Variants in ADGRB1 observed in about 807,000 individuals in gnomAD.
ADGRB1 encodes the protein brain-specific angiogenesis inhibitor 1.
ADGRB1 carries 36 observed loss-of-function variants against 175.7 expected under a neutral mutation model. That is an observed-to-expected ratio of 0.20 (90% CI 0.16 to 0.27). ADGRB1 has a LOEUF of 0.27. Ranked by LOEUF, ADGRB1 falls within the 10% of genes least tolerant of loss-of-function variation. ADGRB1 has a pLI of 1.00. For missense variants in ADGRB1, 1,731 were observed against 2,255.3 expected (o/e 0.77, Z 4.71); for synonymous variants, 1,054 against 979.4 (o/e 1.08, Z -1.42).
At chr8:142,513,186 C>T (rs945101454) in intron 18 of ADGRB1, among the ~76,000 whole-genome samples, 7 of 152,184 alleles carry the variant, frequency 4.6e-5, no homozygotes, top group African/African-American at 1.4e-4. Flanking sequence ...TGCAGAGCCA[C>T]GGGACCGAGG....
At chr8:142,514,702 A>C (rs901330210) in intron 18 of ADGRB1, among the ~76,000 whole-genome samples, 1 of 152,132 alleles carries the variant, frequency 6.6e-6, no homozygotes, top group African/African-American at 2.4e-5. Flanking sequence ...CGTGACCAGA[A>C]TCAGGGCCCA....
intron 17 of ADGRB1, among the ~76,000 whole-genome samples, chr8:142,495,911 A>G (rs1485103489): frequency 2.6e-3 from 129 of 48,868 alleles, no homozygotes; most frequent in Non-Finnish European, 2.7e-4. Context: ...GGATGAGTGC[A>G]TGAGTGGGTG....
chr8:142,493,895 G>T lies in ADGRB1; in HGVS notation c.2675+3080G>T, dbSNP rs1218270344. On this transcript the variant is annotated intron_variant, in intron 17 of 30. Transcript: ENST00000517894. This position sits in a 1 kb window ranked among gnomAD's most constrained non-coding sequence, Gnocchi z 5.0. ...CTGCAGGGGCCACTCCTCGCCCTGT[G>T]AACTGTCTCCGGGGAGCTGAGTTTC... Among the ~76,000 whole-genome samples, 1 of 152,200 alleles carries T rather than the reference G, an allele frequency of 6.6e-6. No individual in the cohort carries two copies. Among genetic ancestry groups the T allele is most frequent in the Non-Finnish European group, 1.5e-5 (1 of 68,026 alleles).
intron 17 of ADGRB1, among the ~76,000 whole-genome samples, chr8:142,491,583 G>T (rs778069731): frequency 1.2e-4 from 18 of 152,220 alleles, no homozygotes; most frequent in Non-Finnish European, 2.2e-4. Flanking sequence ...ATGGCGGCCG[G>T]GTCCCAACAT....
chr8:142,500,430 A>G (rs1349333442), intron 17 of ADGRB1, among the ~76,000 whole-genome samples: 1 of 106,652 alleles, frequency 9.4e-6, no homozygotes, highest in African/African-American at 4.1e-5. Context: ...CCACCCCCCC[A>G]TGCCCTCCTC....
intron 16 of ADGRB1, among the ~76,000 whole-genome samples, chr8:142,490,540 G>A (rs979172918): frequency 6.6e-6 from 1 of 152,262 alleles, no homozygotes; most frequent in Non-Finnish European, 1.5e-5. Context: ...GGAGGGGCCA[G>A]GAGCTGCCCG....
At chr8:142,462,717 C>G (rs1416689728) in intron 1 of ADGRB1, among the ~76,000 whole-genome samples, 2 of 152,252 alleles carry the variant, frequency 1.3e-5, no homozygotes, top group Non-Finnish European at 2.9e-5. Context: ...GCATCCCCAC[C>G]AGGAGGCCGG....
At chr8:142,495,878 G>A (rs1842187565) in intron 17 of ADGRB1, among the ~76,000 whole-genome samples, 1 of 141,524 alleles carries the variant, frequency 7.1e-6, no homozygotes, top group Admixed American at 7.3e-5. Flanking sequence ...ATGATGGATG[G>A]ATGGATGAGT....
rs1018893695 is a variant in ADGRB1, at chr8:142,460,351, T to C, written c.-219-3629T>C. On this transcript the variant is annotated intron_variant, in intron 1 of 30. Transcript: ENST00000517894. The stretch of plus-strand genomic sequence containing the variant: ...CAACGGCCTGGGCTCCTGCCCAGCA[T>C]TGCCCAGTGGCCCATCCAGAAAAGG... Among the ~76,000 whole-genome samples the C allele has an allele frequency of 7.9e-5, 12 of 152,336 alleles. No homozygotes were observed. In the South Asian group the frequency reaches 1.4e-3, roughly 18 times the overall value.
Position 142,474,834 on chromosome 8 carries a change from C to T in ADGRB1, c.785-640C>T, listed in dbSNP as rs1840862747. Among the ~76,000 whole-genome samples the T allele has an allele frequency of 6.6e-6, 1 of 152,112 alleles. No homozygotes were observed. Among genetic ancestry groups the T allele is most frequent in the Non-Finnish European group, 1.5e-5 (1 of 68,002 alleles). On this transcript the variant is annotated intron_variant, in intron 2 of 30. Coordinates refer to ENST00000517894, the MANE Select transcript of ADGRB1 (RefSeq NM_001702.3). This position sits in a 1 kb window ranked among gnomAD's most constrained non-coding sequence, Gnocchi z 5.8. ...CCTGCAGGCATTTATCCCAGGCTCC[C>T]TCCTCGGGTGGCCAGCTGGCCAGGT...
At chr8:142,452,989 G>C (rs916840105) in intron 1 of ADGRB1, among the ~76,000 whole-genome samples, 45 of 148,038 alleles carry the variant, frequency 3.0e-4, no homozygotes, top group African/African-American at 1.1e-3. Context: ...CCGCGGCTCC[G>C]GCCCCATCTT....
At position 142,455,799 on chromosome 8, in the gene ADGRB1, G is replaced by A. The variant is rs1282839544; in HGVS notation, c.-220+5695G>A. ...ACTGGCCTGGGTGCAAGGCGGGGAA[G>A]GAGGCTTCCAAAGCCCACACCCCAC... is the stretch of plus-strand genomic sequence containing the variant. On this transcript the variant is annotated intron_variant, in intron 1 of 30. Transcript: ENST00000517894. This position sits in a 1 kb window ranked among gnomAD's most constrained non-coding sequence, Gnocchi z 4.9. 1.3e-5 allele frequency among the ~76,000 whole-genome samples: 2 copies of A among 152,168 alleles called. No individual in the cohort carries two copies. Among genetic ancestry groups the A allele is most frequent in the East Asian group, 3.9e-4 (2 of 5,168 alleles).
chr8:142,527,715 A>G (rs1407485932), intron 24 of ADGRB1, among the ~76,000 whole-genome samples: 1 of 152,200 alleles, frequency 6.6e-6, no homozygotes, highest in Non-Finnish European at 1.5e-5. Context: ...CCAGGGCTAC[A>G]CATCCAGGGT....
At chr8:142,461,079 G>C (rs551812618) in intron 1 of ADGRB1, among the ~76,000 whole-genome samples, 1 of 152,190 alleles carries the variant, frequency 6.6e-6, no homozygotes, top group Non-Finnish European at 1.5e-5. Flanking sequence ...GTCTCCACTC[G>C]GCTCAGCTCT....
rs1271513317 is a variant in ADGRB1 at position 142,511,276 on chromosome 8, G to A, written c.2817+203G>A. ...GTGGGCGCCGAGCGGGTGGCAGTGT[G>A]GAGTTGGAGACGGGCCTGGGAGGAG... On this transcript the variant is annotated intron_variant, in intron 18 of 30. Coordinates refer to ENST00000517894, the MANE Select transcript of ADGRB1 (RefSeq NM_001702.3). This position sits in a 1 kb window ranked among gnomAD's most constrained non-coding sequence, Gnocchi z 4.5. 6.6e-6 allele frequency among the ~76,000 whole-genome samples: 1 copy of A among 151,982 alleles called. No individual in the cohort carries two copies. The highest frequency in any genetic ancestry group is 1.5e-5 in the Non-Finnish European group (1 of 67,932).
chr8:142,475,592 G>A lies in ADGRB1; in HGVS notation c.903G>A (p.Gly301=), dbSNP rs1007846612. Reference sequence around the variant, plus strand: ...GCGTGGAGGGCGGCGGCTGCGAGGGGGTGCTGGAGGAGGGTCGCCAGTGCA... The same window carrying A: ...GCGTGGAGGGCGGCGGCTGCGAGGGAGTGCTGGAGGAGGGTCGCCAGTGCA... The part of the protein sequence containing the change: ...APGVEGGGCE[G]VLEEGRQCNR... The change falls in exon 3 of 31, where the codon GGG becomes GGA. Residue 301 remains glycine, a synonymous_variant. Transcript: ENST00000517894. 2 of 1,247,642 alleles carry A rather than the reference G, an allele frequency of 1.6e-6. No homozygotes were observed. Among genetic ancestry groups the A allele is most frequent in the Non-Finnish European group, 1.0e-6 (1 of 996,252 alleles). The allele number at this position is 1,247,642 out of a possible 1,614,324, so 77.3% of individuals were successfully genotyped here.
At chr8:142,485,114 G>C (rs567030543) in intron 13 of ADGRB1, among the ~76,000 whole-genome samples, 6 of 152,342 alleles carry the variant, frequency 3.9e-5, no homozygotes, top group Non-Finnish European at 7.3e-5. Context: ...TTCCCTGCTT[G>C]TCAGTCCCAG....
chr8:142,544,587 C>A lies in ADGRB1; in HGVS notation c.*170C>A. 1 of 783,346 alleles carries A rather than the reference C, an allele frequency of 1.3e-6. No homozygotes were observed. Among genetic ancestry groups the A allele is most frequent in the Non-Finnish European group, 1.8e-6 (1 of 552,640 alleles). The allele number at this position is 783,346 out of a possible 1,614,324, so 48.5% of individuals were successfully genotyped here. On this transcript the variant is annotated 3_prime_UTR_variant, in exon 31 of 31. Transcript: ENST00000517894. The stretch of plus-strand genomic sequence containing the variant: ...AGGGCCCGCAGTGCTGGGACCAGAG[C>A]CAGATGCAGGACAGGAGGCGGCCCG...
At chr8:142,479,567 G>C in intron 8 of ADGRB1, 80 bp downstream of exon 8, 1 of 1,518,668 alleles carries the variant, frequency 6.6e-7, no homozygotes, top group Non-Finnish European at 8.8e-7. Flanking sequence ...TGTCACCCAC[G>C]TGGTGTGTTG....
Sources: allele counts gnomAD v4.1 joint callset (sites outside exome capture counted in the v4.1 genomes callset), GRCh38; gene constraint gnomAD v4.1.1; non-coding constraint Gnocchi (gnomAD v3.1); transcripts MANE v1.5; gene names NCBI Gene and HGNC (gene_info 2026-07-23, HGNC 2026-07-21).